The following NCK1 variants were observed in gnomAD, a reference collection of about 807,000 sequenced individuals.
The protein encoded by NCK1 is NCK adaptor protein 1.
NCK1 carries 19 observed loss-of-function variants against 36.6 expected under a neutral mutation model. The ratio of observed to expected loss-of-function variants is 0.52; its 90% CI spans 0.36 to 0.76. The LOEUF is 0.76. Ranked by LOEUF, NCK1 falls within the 30% of genes least tolerant of loss-of-function variation. The probability of loss-of-function intolerance (pLI) is 0.00; values close to 1 mark genes in which losing one functional copy is unlikely to be tolerated. For synonymous variants in NCK1, 165 were observed against 156.0 expected (o/e 1.06, Z -0.43); for missense variants, 358 against 445.6 (o/e 0.80, Z 1.77).
intron 2 of NCK1, among the ~76,000 whole-genome samples, chr3:136,937,703 A>T (rs1233987837): frequency 2.0e-5 from 3 of 152,194 alleles, no homozygotes; most frequent in East Asian, 1.9e-4. Flanking sequence ...TAATGCTGTT[A>T]TAAATGGATT....
chr3:136,916,869 G>A (rs1051952490), intron 1 of NCK1, among the ~76,000 whole-genome samples: 10 of 152,100 alleles, frequency 6.6e-5, no homozygotes, highest in African/African-American at 4.8e-5. Flanking sequence ...TGGGAGGTTG[G>A]TATGACAGGC....
chr3:136,869,133 G>A (rs538621114), intron 1 of NCK1, among the ~76,000 whole-genome samples: 1 of 152,124 alleles, frequency 6.6e-6, no homozygotes, highest in Middle Eastern at 3.4e-3. Flanking sequence ...CCAGCTACCC[G>A]GGAGGCAGAG....
chr3:136,933,807 C>T lies in NCK1; in HGVS notation c.226+5580C>T, dbSNP rs543194581. On this transcript the variant is annotated intron_variant, in intron 2 of 3. Transcript: ENST00000481752. ...GCCACTTCTGTCTCTCAAGTTCAAA[C>T]GATTCTCGTCCCTCAGCCTCCCAAG... 1.1e-4 allele frequency among the ~76,000 whole-genome samples: 17 copies of T among 152,172 alleles called. No individual in the cohort carries two copies. The East Asian group carries it at 1.4e-3, about 12-fold the overall frequency.
chr3:136,933,913 G>T (rs1218192561), intron 2 of NCK1, among the ~76,000 whole-genome samples: 1 of 151,970 alleles, frequency 6.6e-6, no homozygotes, highest in East Asian at 1.9e-4. Flanking sequence ...TCCCCATGTT[G>T]GCCAGGCATG....
chr3:136,894,502 G>T (rs1419833254), intron 1 of NCK1, among the ~76,000 whole-genome samples: 1 of 152,196 alleles, frequency 6.6e-6, no homozygotes, highest in Admixed American at 6.5e-5. Context: ...GATGTGGTAT[G>T]TGGTGTAGGA....
rs1481658173 is a variant in NCK1, at chr3:136,933,927, C to T, written c.226+5700C>T. On this transcript the variant is annotated intron_variant, in intron 2 of 3. Coordinates refer to ENST00000481752, the MANE Select transcript of NCK1 (RefSeq NM_001291999.2). ...TTCCCCATGTTGGCCAGGCATGTCT[C>T]GAACTCCTGGCCTCAAGTTATCTGC... is the stretch of plus-strand genomic sequence containing the variant. 3.9e-5 allele frequency among the ~76,000 whole-genome samples: 6 copies of T among 152,170 alleles called. No individual in the cohort carries two copies. The East Asian group carries it at 7.7e-4, about 20-fold the overall frequency.
chr3:136,925,170 G>T (rs1398388195), intron 1 of NCK1, among the ~76,000 whole-genome samples: 1 of 152,052 alleles, frequency 6.6e-6, no homozygotes, highest in African/African-American at 2.4e-5. Context: ...TGCTATTTTT[G>T]TACATTCTGG....
chr3:136,889,730 C>T (rs1939184350), intron 1 of NCK1, among the ~76,000 whole-genome samples: 2 of 152,170 alleles, frequency 1.3e-5, no homozygotes, highest in African/African-American at 2.4e-5. Context: ...AATGTTGACA[C>T]AAAGGTTCTC....
At chr3:136,868,131 G>T (rs530289493) in intron 1 of NCK1, among the ~76,000 whole-genome samples, 8 of 151,366 alleles carry the variant, frequency 5.3e-5, no homozygotes, top group Admixed American at 5.3e-4. Context: ...GGCCAGGCTG[G>T]TCTCAAACTC....
chr3:136,922,533 G>T (rs537477090), intron 1 of NCK1, among the ~76,000 whole-genome samples: 2 of 152,258 alleles, frequency 1.3e-5, no homozygotes, highest in South Asian at 4.1e-4. Flanking sequence ...ATGGGGAAAA[G>T]ATATGAACAA....
At chr3:136,883,631 C>A (rs1035631635) in intron 1 of NCK1, among the ~76,000 whole-genome samples, 5 of 152,126 alleles carry the variant, frequency 3.3e-5, no homozygotes, top group African/African-American at 1.2e-4. Context: ...TGTTGTATCC[C>A]TGCATTAATT....
intron 1 of NCK1, among the ~76,000 whole-genome samples, chr3:136,925,112 A>T (rs1349096437): frequency 6.6e-6 from 1 of 152,188 alleles, no homozygotes; most frequent in East Asian, 1.9e-4. Context: ...TATAAAACTT[A>T]AAAGCATTAT....
chr3:136,875,266 G>T (rs1022854405), intron 1 of NCK1, among the ~76,000 whole-genome samples: 2 of 152,096 alleles, frequency 1.3e-5, no homozygotes, highest in Non-Finnish European at 2.9e-5. Flanking sequence ...ATCAGCTTAA[G>T]GAGATTTTGG....
chr3:136,906,842 T>C (rs1442503576), intron 1 of NCK1, among the ~76,000 whole-genome samples: 1 of 152,004 alleles, frequency 6.6e-6, no homozygotes, highest in Non-Finnish European at 1.5e-5. Flanking sequence ...GAGGAGTGCT[T>C]AGGTGCCAAC....
intron 1 of NCK1, among the ~76,000 whole-genome samples, chr3:136,902,746 C>A (rs987666783): frequency 6.6e-6 from 1 of 151,706 alleles, no homozygotes; most frequent in African/African-American, 2.4e-5. Flanking sequence ...AAAAGGCATC[C>A]AAATTAGAAA....
At chr3:136,927,545 C>T (rs9851726) in intron 1 of NCK1, among the ~76,000 whole-genome samples, 1 of 151,962 alleles carries the variant, frequency 6.6e-6, no homozygotes, top group African/African-American at 2.4e-5. Context: ...TTGATTGAGA[C>T]AGATTCTCCC....
intron 1 of NCK1, among the ~76,000 whole-genome samples, chr3:136,875,176 T>C (rs1220623635): frequency 1.3e-5 from 2 of 152,202 alleles, no homozygotes; most frequent in Non-Finnish European, 2.9e-5. Flanking sequence ...CTGCTCTCTG[T>C]TTGTCTGTTA....
chr3:136,920,267 G>A (rs1460706113), intron 1 of NCK1, among the ~76,000 whole-genome samples: 1 of 151,864 alleles, frequency 6.6e-6, no homozygotes, highest in Non-Finnish European at 1.5e-5. Flanking sequence ...AAAAAATAGT[G>A]TAGGTCAAAT....
chr3:136,898,385 CAAAA>C (rs36033316), intron 1 of NCK1, among the ~76,000 whole-genome samples: 1 of 76,564 alleles, frequency 1.3e-5, no homozygotes, highest in Non-Finnish European at 2.4e-5. Context: ...GACTCCCTCT[CAAAA>C]AAAAAAAAAA....
Sources: gnomAD v4.1 joint callset for allele counts (sites outside exome capture counted in the v4.1 genomes callset) on GRCh38, gnomAD v4.1.1 for gene constraint, MANE v1.5 for transcripts, NCBI Gene and HGNC (gene_info 2026-07-23, HGNC 2026-07-21) for gene names.